Variants in ZCCHC7 observed in about 807,000 individuals in gnomAD.
The protein encoded by ZCCHC7 is zinc finger CCHC domain-containing protein 7.
Under a neutral mutation model 52.0 loss-of-function variants are expected in ZCCHC7, and 35 were observed. The ratio of observed to expected loss-of-function variants is 0.67; its 90% CI spans 0.51 to 0.89. ZCCHC7 has a LOEUF of 0.89. Ranked by LOEUF, ZCCHC7 falls within the 40% of genes least tolerant of loss-of-function variation. The pLI is 0.00. For synonymous variants in ZCCHC7, 217 were observed against 221.5 expected, an observed-to-expected ratio of 0.98 and a Z score of 0.18; for missense variants, 574 against 649.1, an observed-to-expected ratio of 0.88 and a Z score of 1.26.
intron 2 of ZCCHC7, among the ~76,000 whole-genome samples, chr9:37,173,096 G>A (rs151230824): frequency 0.011 from 1,738 of 152,002 alleles, 31 homozygotes; most frequent in African/African-American, 0.04. Flanking sequence ...TGAGCAACGT[G>A]GCCATTCCAA....
In ZCCHC7 at chr9:37,169,673, A is replaced by G. The variant is rs989052022; in HGVS notation, c.610+42731A>G. ...CATGGGGTTTTTGTTGTGTGTATATACTAGCATTCCTTTGGACACAAAGTA... is the reference window on the plus strand; with the variant it reads ...CATGGGGTTTTTGTTGTGTGTATATGCTAGCATTCCTTTGGACACAAAGTA... On this transcript the variant is annotated intron_variant, in intron 2 of 8. Coordinates refer to ENST00000336755, the MANE Select transcript of ZCCHC7 (RefSeq NM_032226.3). Among the ~76,000 whole-genome samples the G allele has an allele frequency of 2.0e-5, 3 of 152,242 alleles. No homozygotes were observed. The South Asian group carries it at 6.2e-4, about 32-fold the overall frequency.
rs1359269402 is a variant in ZCCHC7 at position 37,120,655 on chromosome 9, C to G, written c.-22+32C>G. On this transcript the variant is annotated intron_variant, in intron 1 of 8. Coordinates refer to ENST00000336755, the MANE Select transcript of ZCCHC7 (RefSeq NM_032226.3). ...ATGTGTGTGACGGACCCCCGCCGCC[C>G]GCGGCTCGGGACCCCTGCCTACCCT... is the stretch of plus-strand genomic sequence containing the variant. 11 of 391,044 alleles carry G rather than the reference C, an allele frequency of 2.8e-5. No homozygotes were observed. In the East Asian group the frequency reaches 4.0e-4, roughly 14 times the overall value. The allele number at this position is 391,044 out of a possible 1,614,324, so 24.2% of individuals were successfully genotyped here. A position where few individuals can be genotyped will look rare whatever the true frequency, so the allele number is the denominator to read the frequency against.
intron 3 of ZCCHC7, among the ~76,000 whole-genome samples, chr9:37,302,464 T>A (rs966592494): frequency 7.2e-5 from 11 of 152,122 alleles, no homozygotes; most frequent in Non-Finnish European, 1.6e-4. Context: ...CTGCGGTGAG[T>A]CCTCTCAGCC....
chr9:37,208,278 T>TTTCA (rs1389064832), intron 2 of ZCCHC7, among the ~76,000 whole-genome samples: 2 of 152,084 alleles, frequency 1.3e-5, no homozygotes, highest in East Asian at 3.9e-4. Context: ...ACAGATGGGG[T>TTTCA]TTCACCATTG....
chr9:37,189,520 A>G (rs751570208), intron 2 of ZCCHC7, among the ~76,000 whole-genome samples: 3 of 152,048 alleles, frequency 2.0e-5, no homozygotes, highest in Non-Finnish European at 2.9e-5. Context: ...CCAAGTAGCT[A>G]GGATTACAGG....
At chr9:37,310,789 C>G (rs1384348335) in intron 5 of ZCCHC7, among the ~76,000 whole-genome samples, 1 of 147,592 alleles carries the variant, frequency 6.8e-6, no homozygotes, top group African/African-American at 2.5e-5. Flanking sequence ...CACTCTTTAC[C>G]AAAAAAAAAA....
At chr9:37,236,422 T>G (rs1825653347) in intron 2 of ZCCHC7, among the ~76,000 whole-genome samples, 1 of 151,958 alleles carries the variant, frequency 6.6e-6, no homozygotes, top group East Asian at 1.9e-4. Context: ...ATTTTTTTTT[T>G]GCTCTGTTGC....
chr9:37,156,757 C>T (rs1820835037), intron 2 of ZCCHC7, among the ~76,000 whole-genome samples: 1 of 152,174 alleles, frequency 6.6e-6, no homozygotes, highest in Non-Finnish European at 1.5e-5. Flanking sequence ...ACTTTGTCAT[C>T]TATTGTCTCT....
At chr9:37,165,772 GAAAAT>G (rs964698529) in intron 2 of ZCCHC7, among the ~76,000 whole-genome samples, 4 of 152,206 alleles carry the variant, frequency 2.6e-5, no homozygotes, top group African/African-American at 7.2e-5. Flanking sequence ...TTTTCAGTGT[GAAAAT>G]AAAATATAAA....
At chr9:37,304,517 C>T (rs951155805) in intron 4 of ZCCHC7, among the ~76,000 whole-genome samples, 11 of 151,916 alleles carry the variant, frequency 7.2e-5, no homozygotes, top group Non-Finnish European at 8.8e-5. Context: ...ATTAGCCGGG[C>T]GTGATGGCGG....
At chr9:37,250,122 C>T (rs1336111734) in intron 2 of ZCCHC7, among the ~76,000 whole-genome samples, 2 of 152,164 alleles carry the variant, frequency 1.3e-5, no homozygotes, top group African/African-American at 2.4e-5. Context: ...GTTGTGAAGA[C>T]TAAGTGAATT....
At chr9:37,162,531 G>A (rs1457260292) in intron 2 of ZCCHC7, among the ~76,000 whole-genome samples, 2 of 152,166 alleles carry the variant, frequency 1.3e-5, no homozygotes, top group Non-Finnish European at 2.9e-5. Flanking sequence ...ATTTCAGTCA[G>A]CATAATTGAG....
intron 2 of ZCCHC7, among the ~76,000 whole-genome samples, chr9:37,216,472 C>T (rs1219874299): frequency 6.6e-6 from 1 of 151,998 alleles, no homozygotes; most frequent in Non-Finnish European, 1.5e-5. Context: ...GTCAGGTGAT[C>T]GAGACCAGCC....
intron 2 of ZCCHC7, among the ~76,000 whole-genome samples, chr9:37,171,369 C>T (rs1289216292): frequency 6.6e-6 from 1 of 152,194 alleles, no homozygotes; most frequent in Non-Finnish European, 1.5e-5. Context: ...CATGTTCTGT[C>T]AGTTTCATTA....
At chr9:37,349,891 G>A (rs890717162) in intron 7 of ZCCHC7, among the ~76,000 whole-genome samples, 6 of 151,180 alleles carry the variant, frequency 4.0e-5, no homozygotes, top group Admixed American at 6.6e-5. Context: ...GGGTTCAAGC[G>A]ATTCTTCTGC....
chr9:37,321,432 A>G (rs1361566484), intron 5 of ZCCHC7, among the ~76,000 whole-genome samples: 1 of 152,056 alleles, frequency 6.6e-6, no homozygotes, highest in Non-Finnish European at 1.5e-5. Flanking sequence ...CCTGGCCTAT[A>G]ATTGGTTTAT....
At chr9:37,331,441 T>C (rs768074466) in intron 6 of ZCCHC7, among the ~76,000 whole-genome samples, 16 of 151,646 alleles carry the variant, frequency 1.1e-4, no homozygotes, top group Non-Finnish European at 2.1e-4. Flanking sequence ...TGAGTGAGAA[T>C]GTTATTCTCT....
At chr9:37,156,816 G>C (rs1820837962) in intron 2 of ZCCHC7, among the ~76,000 whole-genome samples, 1 of 152,064 alleles carries the variant, frequency 6.6e-6, no homozygotes, top group Admixed American at 6.5e-5. Context: ...CTCTAAGTTA[G>C]TTGATATTTA....
At chr9:37,177,310 G>C (rs900709843) in intron 2 of ZCCHC7, among the ~76,000 whole-genome samples, 1 of 152,088 alleles carries the variant, frequency 6.6e-6, no homozygotes, top group Non-Finnish European at 1.5e-5. Context: ...ATTCCAGCCT[G>C]GGTGACAGAG....
Sources: allele counts gnomAD v4.1 joint callset (sites outside exome capture counted in the v4.1 genomes callset), GRCh38; gene constraint gnomAD v4.1.1; transcripts MANE v1.5; gene names NCBI Gene and HGNC (gene_info 2026-07-23, HGNC 2026-07-21).